The following RNF217 variants were observed in gnomAD, a reference collection of about 807,000 sequenced individuals.
The protein encoded by RNF217 is E3 ubiquitin-protein ligase RNF217.
RNF217 carries 31 observed loss-of-function variants against 57.8 expected under a neutral mutation model. That is an observed-to-expected ratio of 0.54 (90% confidence interval 0.40 to 0.72). The LOEUF (loss-of-function observed/expected upper bound fraction) is 0.72. RNF217 is among the 30% of genes least tolerant of loss of function. RNF217 has a pLI of 0.00. For synonymous variants in RNF217, 313 were observed against 294.0 expected, an observed-to-expected ratio of 1.06 and a Z score of -0.66; for missense variants, 696 against 708.3, an observed-to-expected ratio of 0.98 and a Z score of 0.20.
intron 1 of RNF217, among the ~76,000 whole-genome samples, chr6:125,014,976 T>C (rs1785549982): frequency 6.6e-6 from 1 of 152,106 alleles, no homozygotes; most frequent in Admixed American, 6.6e-5. Context: ...ACTGGTCCTG[T>C]GTTGTGTAAA....
Position 125,089,390 on chromosome 6 carries a change from T to G in RNF217, c.*6453T>G, listed in dbSNP as rs1788868223. ...ATAGGTATGGTTTATGGTCTTTGTT[T>G]CAGCAAAACGTCCTACAGCTTGGAC... On this transcript the variant is annotated 3_prime_UTR_variant, in exon 6 of 6. Coordinates refer to ENST00000521654, the MANE Select transcript of RNF217 (RefSeq NM_001286398.3). 1 of 152,212 alleles carries G rather than the reference T, an allele frequency of 6.6e-6. No individual in the cohort carries two copies. The highest frequency in any genetic ancestry group is 1.9e-4 in the East Asian group (1 of 5,194). The allele number at this position is 152,212 out of a possible 1,614,324, so 9.4% of individuals were successfully genotyped here.
chr6:125,055,511 C>A (rs948162455), intron 2 of RNF217, among the ~76,000 whole-genome samples: 2 of 152,158 alleles, frequency 1.3e-5, no homozygotes, highest in African/African-American at 4.8e-5. Context: ...ATCTTTGAGT[C>A]ATTAAATGTC....
At chr6:125,064,654 C>T (rs1468781567) in intron 3 of RNF217, among the ~76,000 whole-genome samples, 1 of 151,958 alleles carries the variant, frequency 6.6e-6, no homozygotes, top group Non-Finnish European at 1.5e-5. Flanking sequence ...CAAATTTGTG[C>T]ATGCATTTAG....
At chr6:125,005,275 AG>A (rs1454139236) in intron 1 of RNF217, among the ~76,000 whole-genome samples, 1 of 152,208 alleles carries the variant, frequency 6.6e-6, no homozygotes, top group African/African-American at 2.4e-5. Context: ...TTGGCGTCTC[AG>A]GTCAGTCAGA....
intron 1 of RNF217, among the ~76,000 whole-genome samples, chr6:124,974,068 G>C (rs1783864378): frequency 1.3e-5 from 2 of 152,136 alleles, no homozygotes; most frequent in African/African-American, 4.8e-5. Context: ...GCCTCCCCCG[G>C]AGCCAGCATC....
intron 2 of RNF217, chr6:125,046,718 T>C (rs1787112237): frequency 2.2e-6 from 1 of 455,728 alleles, no homozygotes; most frequent in Non-Finnish European, 4.4e-6. Context: ...ATTCATTTTG[T>C]AGCTTTGAGG....
In RNF217 at chr6:125,086,235, A is replaced by T. The variant is rs2114668778; in HGVS notation, c.*3298A>T. 1 of 152,166 alleles carries T rather than the reference A, an allele frequency of 6.6e-6. No homozygotes were observed. The highest frequency in any genetic ancestry group is 2.1e-4 in the South Asian group (1 of 4,824). The allele number at this position is 152,166 out of a possible 1,614,324, so 9.4% of individuals were successfully genotyped here. A position where few individuals can be genotyped will look rare whatever the true frequency, so the allele number is the denominator to read the frequency against. ...CAGGAGTGCATAATTTTTAAAGAAA[A>T]TCGTCTTTTGAAGGGTAATTTCCTT... On this transcript the variant is annotated 3_prime_UTR_variant, in exon 6 of 6. Coordinates refer to ENST00000521654, the MANE Select transcript of RNF217 (RefSeq NM_001286398.3).
intron 1 of RNF217, among the ~76,000 whole-genome samples, chr6:124,997,816 C>G (rs1335846866): frequency 6.6e-6 from 1 of 152,154 alleles, no homozygotes; most frequent in Non-Finnish European, 1.5e-5. Context: ...TTTCTAGACT[C>G]TACTAACTTA....
At chr6:125,053,970 C>A (rs1201024654) in intron 2 of RNF217, among the ~76,000 whole-genome samples, 1 of 152,160 alleles carries the variant, frequency 6.6e-6, no homozygotes, top group Non-Finnish European at 1.5e-5. Context: ...AATACTACCT[C>A]AGCCACTAGT....
chr6:125,046,476 C>G lies in RNF217; in HGVS notation c.1116+1032C>G, dbSNP rs1262972824. 7.3e-6 allele frequency: 3 copies of G among 412,968 alleles called. No homozygotes were observed. In the Admixed American group the frequency reaches 7.9e-5, roughly 11 times the overall value. 25.6% of individuals were successfully genotyped at this position (412,968 alleles called of 1,614,324 possible). ...CCATGACACACCAGTGCCCCAGGCC[C>G]ACCCCAGAACAATTGTCTTCCAAAT... On this transcript the variant is annotated intron_variant, in intron 2 of 5. Transcript: ENST00000521654.
chr6:124,972,235 G>T (rs896690954), intron 1 of RNF217, among the ~76,000 whole-genome samples: 5 of 151,962 alleles, frequency 3.3e-5, no homozygotes, highest in African/African-American at 1.2e-4. Context: ...TTAATCACCA[G>T]GTCCTTTCAA....
chr6:124,995,337 T>C (rs1784709391), intron 1 of RNF217, among the ~76,000 whole-genome samples: 1 of 152,216 alleles, frequency 6.6e-6, no homozygotes, highest in Non-Finnish European at 1.5e-5. Context: ...AAACACACTG[T>C]GCACTCTGAT....
At chr6:125,050,743 AGT>A (rs1053434859) in intron 2 of RNF217, among the ~76,000 whole-genome samples, 2 of 151,282 alleles carry the variant, frequency 1.3e-5, no homozygotes, top group African/African-American at 4.9e-5. Flanking sequence ...TTAAGTTGAC[AGT>A]GTTTACAAAT....
chr6:125,044,447 G>A (rs1345301218), intron 1 of RNF217, among the ~76,000 whole-genome samples: 2 of 151,960 alleles, frequency 1.3e-5, no homozygotes, highest in Non-Finnish European at 2.9e-5. Context: ...AACATATCTA[G>A]TACTCCATAA....
intron 2 of RNF217, among the ~76,000 whole-genome samples, chr6:125,052,284 T>TTGTGTGTGTGTGTGTGTGTGTG (rs368469313): frequency 2.1e-5 from 3 of 143,136 alleles, no homozygotes; most frequent in Admixed American, 7.1e-5. Context: ...GTCATGCGTT[T>TTGTGTGTGTGTGTGTGTGTGTG]TGTGTGTGTG....
At chr6:125,054,805 C>T (rs765813089) in intron 2 of RNF217, among the ~76,000 whole-genome samples, 5 of 152,238 alleles carry the variant, frequency 3.3e-5, no homozygotes, top group Non-Finnish European at 7.4e-5. Flanking sequence ...GCTCTGAGGT[C>T]TAAGGATTCA....
chr6:125,083,699 T>C lies in RNF217; in HGVS notation c.*762T>C, dbSNP rs1788684256. On this transcript the variant is annotated 3_prime_UTR_variant, in exon 6 of 6. Transcript: ENST00000521654. ...GGACATAATTTAGCAATGTATTAAA[T>C]TAAAGTCAATGTAGACAACAGGCCA... 6.6e-6 allele frequency: 1 copy of C among 152,052 alleles called. No homozygotes were observed. Among genetic ancestry groups the C allele is most frequent in the African/African-American group, 2.4e-5 (1 of 41,434 alleles). The allele number at this position is 152,052 out of a possible 1,614,324, so 9.4% of individuals were successfully genotyped here. A position where few individuals can be genotyped will look rare whatever the true frequency, so the allele number is the denominator to read the frequency against.
rs368150570 is a variant in RNF217 at position 124,962,934 on chromosome 6, C to G, written c.390C>G (p.Gly130=). Residue 130 remains glycine, a synonymous_variant, in exon 1 of 6, where the codon GGC becomes GGG. Coordinates refer to ENST00000521654, the MANE Select transcript of RNF217 (RefSeq NM_001286398.3). This position sits in a 1 kb window ranked among gnomAD's most constrained non-coding sequence, Gnocchi z 4.6. ...GGDEQQEAPP[G]EELEPRTRVG... Reference sequence around the variant, plus strand: ...ATGAACAGCAGGAGGCGCCCCCCGGCGAAGAGCTGGAGCCCAGGACCCGCG... The same window carrying G: ...ATGAACAGCAGGAGGCGCCCCCCGGGGAAGAGCTGGAGCCCAGGACCCGCG... 8.8e-5 allele frequency: 140 copies of G among 1,597,938 alleles called. No individual in the cohort carries two copies. The South Asian group carries it at 1.5e-3, about 17-fold the overall frequency.
intron 1 of RNF217, among the ~76,000 whole-genome samples, chr6:125,041,869 G>T (rs968090401): frequency 1.1e-4 from 17 of 151,920 alleles, no homozygotes; most frequent in African/African-American, 4.1e-4. Flanking sequence ...AATCTAAGAT[G>T]TGATCAATTG....
Sources: allele counts gnomAD v4.1 joint callset (sites outside exome capture counted in the v4.1 genomes callset), GRCh38; gene constraint gnomAD v4.1.1; non-coding constraint Gnocchi (gnomAD v3.1); transcripts MANE v1.5; gene names NCBI Gene and HGNC (gene_info 2026-07-23, HGNC 2026-07-21).